CMIP: variants seen among roughly 807,000 people sequenced by gnomAD.
CMIP encodes the protein C-Maf-inducing protein.
Under a neutral mutation model 97.3 loss-of-function variants are expected in CMIP, and 13 were observed. The ratio of observed to expected loss-of-function variants is 0.13; its 90% CI spans 0.09 to 0.21. The LOEUF (loss-of-function observed/expected upper bound fraction) is 0.21, where lower values mean the gene tolerates loss of function less well. Ranked by LOEUF, CMIP falls within the 10% of genes least tolerant of loss-of-function variation. The probability of loss-of-function intolerance (pLI) is 1.00; values close to 1 mark genes in which losing one functional copy is unlikely to be tolerated. For missense variants in CMIP, 847 were observed against 1,024.9 expected (o/e 0.83, Z 2.37); for synonymous variants, 538 against 436.3 (o/e 1.23, Z -2.91).
intron 3 of CMIP, among the ~76,000 whole-genome samples, chr16:81,624,918 C>T (rs940942155): frequency 1.3e-4 from 20 of 152,220 alleles, no homozygotes; most frequent in Non-Finnish European, 2.1e-4. Context: ...GAGCTGTTCA[C>T]ACACGGTTGT....
Position 81,540,643 on chromosome 16 carries a change from AGTGTGTGTGTGTGTGTGTGT to A in CMIP, c.301-66901_301-66882del, listed in dbSNP as rs67286788. Among the ~76,000 whole-genome samples, 921 of 141,984 alleles carry A rather than the reference AGTGTGTGTGTGTGTGTGTGT, an allele frequency of 6.5e-3. 10 individuals carry two copies. The highest frequency in any genetic ancestry group is 9.5e-3 in the Non-Finnish European group (624 of 65,394). The allele number at this position is 141,984 out of a possible 152,430, so 93.1% of individuals were successfully genotyped here. The stretch of plus-strand genomic sequence containing the variant: ...AGCCAGTTAAATGTGTCTTGTTTTG[AGTGTGTGTGTGTGTGTGTGT>A]GTGTGTGTGTGTGTGTGTGTGTTTG... On this transcript the variant is annotated intron_variant, in intron 1 of 20. Transcript: ENST00000537098.
At chr16:81,632,933 G>C (rs949125389) in intron 3 of CMIP, among the ~76,000 whole-genome samples, 2 of 152,156 alleles carry the variant, frequency 1.3e-5, no homozygotes, top group Non-Finnish European at 2.9e-5. Flanking sequence ...CATTACAGTG[G>C]CTTCCCAAAC....
At chr16:81,684,273 G>A (rs1329931232) in intron 10 of CMIP, among the ~76,000 whole-genome samples, 8 of 152,252 alleles carry the variant, frequency 5.3e-5, no homozygotes, top group African/African-American at 1.9e-4. Flanking sequence ...TCAAATCCCC[G>A]AGCTAGCTGG....
At chr16:81,658,055 A>C (rs1392142311) in intron 5 of CMIP, among the ~76,000 whole-genome samples, 1 of 152,220 alleles carries the variant, frequency 6.6e-6, no homozygotes, top group African/African-American at 2.4e-5. Context: ...AATGTATCAT[A>C]ATCGCCTCCT....
intron 2 of CMIP, among the ~76,000 whole-genome samples, chr16:81,609,399 A>G (rs1011403642): frequency 6.6e-6 from 1 of 152,140 alleles, no homozygotes; most frequent in Non-Finnish European, 1.5e-5. Context: ...GGGGCGGGCA[A>G]TCACAGGGTT....
chr16:81,671,275 C>T (rs1855682141), intron 8 of CMIP, among the ~76,000 whole-genome samples: 1 of 152,206 alleles, frequency 6.6e-6, no homozygotes, highest in African/African-American at 2.4e-5. Context: ...GGTGACACCA[C>T]CCAGTTGTGG....
At chr16:81,490,597 G>C (rs1049679940) in intron 1 of CMIP, among the ~76,000 whole-genome samples, 6 of 152,206 alleles carry the variant, frequency 3.9e-5, no homozygotes, top group Non-Finnish European at 5.9e-5. Context: ...TCTAGCCTGG[G>C]CGACAGAGGG....
rs541172989 is a variant in CMIP, at chr16:81,504,577, A to T, written c.300+59036A>T. The stretch of plus-strand genomic sequence containing the variant: ...AGAATCGCTTGAACCCAGGAGATGG[A>T]GGTTGCAGTGAGCCAGGATTGTGCC... On this transcript the variant is annotated intron_variant, in intron 1 of 20. Transcript: ENST00000537098. Among the ~76,000 whole-genome samples, 109 of 127,984 alleles carry T rather than the reference A, an allele frequency of 8.5e-4. 1 individual carries two copies. The highest frequency in any genetic ancestry group is 3.1e-3 in the African/African-American group (103 of 33,048). 84.0% of individuals were successfully genotyped at this position (127,984 alleles called of 152,430 possible).
At chr16:81,706,697 G>A (rs1429618980) in intron 19 of CMIP, among the ~76,000 whole-genome samples, 1 of 152,230 alleles carries the variant, frequency 6.6e-6, no homozygotes, top group African/African-American at 2.4e-5. Flanking sequence ...CCTCGGGCCT[G>A]ATCTGGGGTG....
chr16:81,495,088 G>A (rs566181580), intron 1 of CMIP, among the ~76,000 whole-genome samples: 69 of 152,330 alleles, frequency 4.5e-4, no homozygotes, highest in African/African-American at 1.6e-3. Context: ...CTGAGCTTCA[G>A]TTTTGTCTTC....
At position 81,520,598 on chromosome 16, in the gene CMIP, G is replaced by GAGAGAGAGAGAGAGAGAGAAGAT. The variant is rs2090004227; in HGVS notation, c.300+75062_300+75063insGAGAGAGAGAGAGAAGATAGAGA. On this transcript the variant is annotated intron_variant, in intron 1 of 20. Transcript: ENST00000537098. ...AGAGAGAGAGAGAGAGAGAGAGAGA[G>GAGAGAGAGAGAGAGAGAGAAGAT]AGAGAAGATAGAAAGAAAGAAAAAG... 4 of 150,502 alleles carry GAGAGAGAGAGAGAGAGAGAAGAT rather than the reference G, an allele frequency of 2.7e-5. No individual in the cohort carries two copies. In the South Asian group the frequency reaches 8.4e-4, roughly 32 times the overall value. The allele number at this position is 150,502 out of a possible 1,614,324, so 9.3% of individuals were successfully genotyped here. A position where few individuals can be genotyped will look rare whatever the true frequency, so the allele number is the denominator to read the frequency against.
intron 1 of CMIP, among the ~76,000 whole-genome samples, chr16:81,540,224 G>A (rs2090422902): frequency 6.6e-6 from 1 of 152,226 alleles, no homozygotes; most frequent in Non-Finnish European, 1.5e-5. Flanking sequence ...TCTCGTCAGA[G>A]CACACTGATT....
intron 20 of CMIP, among the ~76,000 whole-genome samples, chr16:81,708,312 G>T (rs1339937104): frequency 6.6e-6 from 1 of 152,222 alleles, no homozygotes; most frequent in African/African-American, 2.4e-5. Flanking sequence ...CACCACTCGG[G>T]GGCCAACAGA....
intron 1 of CMIP, among the ~76,000 whole-genome samples, chr16:81,564,220 G>A (rs192849281): frequency 6.6e-6 from 1 of 152,308 alleles, no homozygotes; most frequent in African/African-American, 2.4e-5. Context: ...TGGGCACCCG[G>A]GGGTGGGGTG....
chr16:81,507,809 G>A (rs1415862364), intron 1 of CMIP, among the ~76,000 whole-genome samples: 1 of 152,170 alleles, frequency 6.6e-6, no homozygotes, highest in African/African-American at 2.4e-5. Context: ...TATATTTGGG[G>A]TTCTTGGGGG....
At chr16:81,588,069 C>T (rs2091411056) in intron 1 of CMIP, among the ~76,000 whole-genome samples, 1 of 152,184 alleles carries the variant, frequency 6.6e-6, no homozygotes, top group African/African-American at 2.4e-5. Flanking sequence ...TATACCCTGC[C>T]TGCCTCCAAG....
rs369299921 is a variant in CMIP at position 81,462,012 on chromosome 16, C to T, written c.300+16471C>T. On this transcript the variant is annotated intron_variant, in intron 1 of 20. Coordinates refer to ENST00000537098, the MANE Select transcript of CMIP (RefSeq NM_198390.3). ...GCTAGTTTTCTTCCTCTTTCCTTCT[C>T]GGAAACCCATGGAACTGTGTTGTCA... 6.6e-5 allele frequency among the ~76,000 whole-genome samples: 10 copies of T among 152,350 alleles called. No homozygotes were observed. The South Asian group carries it at 1.0e-3, about 16-fold the overall frequency.
intron 10 of CMIP, among the ~76,000 whole-genome samples, chr16:81,681,582 G>T (rs910382186): frequency 6.6e-6 from 1 of 152,260 alleles, no homozygotes; most frequent in African/African-American, 2.4e-5. Flanking sequence ...CTGGCCAATG[G>T]GAGTAGCCGC....
chr16:81,486,298 T>A (rs953920475), intron 1 of CMIP, among the ~76,000 whole-genome samples: 1 of 151,532 alleles, frequency 6.6e-6, no homozygotes, highest in Admixed American at 6.6e-5. Context: ...GCACTCTGTG[T>A]TCAGGGCCTT....
Sources: allele counts gnomAD v4.1 joint callset (sites outside exome capture counted in the v4.1 genomes callset), GRCh38; gene constraint gnomAD v4.1.1; transcripts MANE v1.5; gene names NCBI Gene and HGNC (gene_info 2026-07-23, HGNC 2026-07-21).